Variants in TTC28 observed in about 807,000 individuals in gnomAD.
TTC28 encodes tetratricopeptide repeat domain 28.
In TTC28, 61 loss-of-function variants were observed where a neutral mutation model predicts 198.0. The ratio of observed to expected loss-of-function variants is 0.31; its 90% CI spans 0.25 to 0.38. The LOEUF (loss-of-function observed/expected upper bound fraction) is 0.38. Ranked by LOEUF, TTC28 falls within the 10% of genes least tolerant of loss-of-function variation. The pLI is 1.00. For synonymous variants in TTC28, 1,171 were observed against 1,297.8 expected (o/e 0.90, Z 2.10); for missense variants, 2,678 against 3,164.0 (o/e 0.85, Z 3.69).
chr22:28,097,441 A>C (rs10154425), intron 10 of TTC28, among the ~76,000 whole-genome samples: 10,410 of 152,242 alleles, frequency 0.068, 424 homozygotes, highest in South Asian at 0.091. Flanking sequence ...TTTAACCTCT[A>C]AGGTCTCTAG....
At chr22:27,996,367 AG>A in intron 16 of TTC28, 108 bp from the exon 17 acceptor site, 2 of 1,449,494 alleles carry the variant, frequency 1.4e-6, no homozygotes, top group Non-Finnish European at 1.8e-6. Context: ...CAGAAAGAGC[AG>A]GGCCTGGCAG....
chr22:28,268,222 T>C (rs1184656365), intron 5 of TTC28, among the ~76,000 whole-genome samples: 1 of 152,176 alleles, frequency 6.6e-6, no homozygotes, highest in East Asian at 1.9e-4. Context: ...CATAACAGCA[T>C]TAGTACTGAA....
intron 2 of TTC28, among the ~76,000 whole-genome samples, chr22:28,342,939 A>G (rs1485635616): frequency 6.6e-6 from 1 of 152,176 alleles, no homozygotes; most frequent in Non-Finnish European, 1.5e-5. Flanking sequence ...GAAATTACAA[A>G]CCTTTCAATT....
intron 12 of TTC28, among the ~76,000 whole-genome samples, chr22:28,076,386 A>C (rs1157742637): frequency 4.6e-5 from 7 of 152,218 alleles, no homozygotes; most frequent in Non-Finnish European, 5.9e-5. Context: ...TTACATCAAT[A>C]TGTTAAAGAT....
chr22:28,124,063 T>A lies in TTC28; in HGVS notation c.1442-15660A>T, dbSNP rs950660517. On this transcript the variant is annotated intron_variant, in intron 6 of 22. Coordinates refer to ENST00000397906, the MANE Select transcript of TTC28 (RefSeq NM_001145418.2). ...ACTAAGGATGCCAAACTTTTATACA[T>A]TTTTCCCTTCATTCTTACAGTAAGC... Among the ~76,000 whole-genome samples, 16 of 152,330 alleles carry A rather than the reference T, an allele frequency of 1.1e-4. No homozygotes were observed. The East Asian group carries it at 2.7e-3, about 26-fold the overall frequency.
chr22:28,538,855 C>T (rs1452309367), intron 2 of TTC28, among the ~76,000 whole-genome samples: 1 of 152,168 alleles, frequency 6.6e-6, no homozygotes, highest in Non-Finnish European at 1.5e-5. Context: ...AGCCACTGTG[C>T]CCAGCCAAGT....
At chr22:28,603,309 C>T (rs2050671845) in intron 2 of TTC28, among the ~76,000 whole-genome samples, 1 of 151,808 alleles carries the variant, frequency 6.6e-6, no homozygotes, top group Admixed American at 6.6e-5. Context: ...GCACTCCTTC[C>T]AGAGAATTGA....
intron 12 of TTC28, among the ~76,000 whole-genome samples, chr22:28,030,691 G>C (rs562165824): frequency 1.3e-5 from 2 of 152,362 alleles, no homozygotes; most frequent in Non-Finnish European, 2.9e-5. Flanking sequence ...GACTAGATGA[G>C]GTGCTGTCTG....
At chr22:28,677,175 A>ATATATAT (rs1291722557) in intron 1 of TTC28, among the ~76,000 whole-genome samples, 1 of 69,484 alleles carries the variant, frequency 1.4e-5, no homozygotes, top group African/African-American at 7.4e-5. Flanking sequence ...AAAAAAAAAA[A>ATATATAT]ATATATATAT....
intron 2 of TTC28, among the ~76,000 whole-genome samples, chr22:28,322,012 A>G (rs1356816526): frequency 1.3e-5 from 2 of 152,112 alleles, no homozygotes; most frequent in Non-Finnish European, 2.9e-5. Context: ...TTGTATTTTT[A>G]GTAGAGACAG....
intron 2 of TTC28, among the ~76,000 whole-genome samples, chr22:28,396,385 G>A (rs1234561239): frequency 6.6e-6 from 1 of 152,122 alleles, no homozygotes; most frequent in Admixed American, 6.5e-5. Context: ...GTTCATACTG[G>A]GCCACATAGC....
At chr22:28,443,200 C>T (rs975793679) in intron 2 of TTC28, 19 of 152,304 alleles carry the variant, frequency 1.2e-4, no homozygotes, top group African/African-American at 4.1e-4. Flanking sequence ...GCAAAAGGAG[C>T]CTGTAGCAGG....
chr22:28,450,589 A>G (rs1404184014), intron 2 of TTC28, among the ~76,000 whole-genome samples: 1 of 152,176 alleles, frequency 6.6e-6, no homozygotes, highest in African/African-American at 2.4e-5. Flanking sequence ...TTGTTACTCT[A>G]CTAGTTTTAC....
intron 2 of TTC28, among the ~76,000 whole-genome samples, chr22:28,543,928 A>G (rs1311793380): frequency 6.6e-6 from 1 of 152,228 alleles, no homozygotes; most frequent in Non-Finnish European, 1.5e-5. Context: ...CGAATGTTAA[A>G]CAAACCTTGT....
intron 1 of TTC28, among the ~76,000 whole-genome samples, chr22:28,646,727 T>G (rs968697438): frequency 1.3e-5 from 2 of 152,150 alleles, no homozygotes; most frequent in Admixed American, 1.3e-4. Flanking sequence ...TAGCCTGGCA[T>G]GGTGGTGTAT....
At chr22:27,986,973 T>G (rs937051926) in intron 21 of TTC28, among the ~76,000 whole-genome samples, 3 of 152,194 alleles carry the variant, frequency 2.0e-5, no homozygotes, top group Non-Finnish European at 4.4e-5. Flanking sequence ...ATGGGGTTGC[T>G]CAGAACTGAG....
intron 2 of TTC28, among the ~76,000 whole-genome samples, chr22:28,356,975 G>A (rs1171715855): frequency 3.9e-5 from 6 of 152,106 alleles, no homozygotes; most frequent in Non-Finnish European, 8.8e-5. Context: ...TCTGGCCCTG[G>A]CCATGCTATA....
chr22:28,487,075 C>T (rs2146335036), intron 2 of TTC28, among the ~76,000 whole-genome samples: 1 of 152,194 alleles, frequency 6.6e-6, no homozygotes, highest in South Asian at 2.1e-4. Context: ...ACTTTTACCA[C>T]AGAGGTAAGA....
chr22:28,609,456 G>A (rs948278052), intron 2 of TTC28, among the ~76,000 whole-genome samples: 18 of 152,126 alleles, frequency 1.2e-4, no homozygotes, highest in African/African-American at 4.8e-5. Flanking sequence ...GTGAGGCGTC[G>A]CCTTACCCGG....
Sources: allele counts gnomAD v4.1 joint callset (sites outside exome capture counted in the v4.1 genomes callset), GRCh38; gene constraint gnomAD v4.1.1; transcripts MANE v1.5; gene names NCBI Gene and HGNC (gene_info 2026-07-23, HGNC 2026-07-21).